DLG2: variants seen among roughly 807,000 people sequenced by gnomAD.
DLG2 encodes the protein discs large MAGUK scaffold protein 2.
A neutral mutation model predicts 132.5 loss-of-function variants in DLG2; 45 were observed. The ratio of observed to expected loss-of-function variants is 0.34; its 90% confidence interval spans 0.27 to 0.44. The LOEUF (loss-of-function observed/expected upper bound fraction) is 0.44. Ranked by LOEUF, DLG2 falls within the 20% of genes least tolerant of loss-of-function variation. The probability of loss-of-function intolerance (pLI) is 1.00; values close to 1 mark genes in which losing one functional copy is unlikely to be tolerated. For missense variants in DLG2, 1,045 were observed against 1,196.9 expected (o/e 0.87, Z 1.87); for synonymous variants, 424 against 419.6 (o/e 1.01, Z -0.13).
intron 18 of DLG2, among the ~76,000 whole-genome samples, chr11:83,734,386 T>A (rs1458324856): frequency 6.8e-6 from 1 of 146,342 alleles, no homozygotes; most frequent in African/African-American, 2.6e-5. Context: ...CTTCCTTCCT[T>A]CCTTCCTTCC....
intron 6 of DLG2, among the ~76,000 whole-genome samples, chr11:84,972,637 T>G (rs529383143): frequency 6.6e-6 from 1 of 152,318 alleles, no homozygotes; most frequent in Non-Finnish European, 1.5e-5. Flanking sequence ...TAACAGAAGG[T>G]GCTACCTGCC....
chr11:83,589,552 AC>A (rs1223043016), intron 19 of DLG2, among the ~76,000 whole-genome samples: 6 of 151,700 alleles, frequency 4.0e-5, no homozygotes, highest in Non-Finnish European at 2.9e-5. Flanking sequence ...AAATGTAAAG[AC>A]CATCGAGACT....
intron 7 of DLG2, among the ~76,000 whole-genome samples, chr11:84,529,873 C>T (rs1456784287): frequency 6.6e-6 from 1 of 152,182 alleles, no homozygotes; most frequent in Admixed American, 6.5e-5. Flanking sequence ...GTGAGTATCA[C>T]ATTCTTGGAC....
intron 18 of DLG2, among the ~76,000 whole-genome samples, chr11:83,724,313 T>C (rs181130946): frequency 1.3e-5 from 2 of 152,264 alleles, no homozygotes; most frequent in Admixed American, 6.5e-5. Context: ...AACTAGGCTC[T>C]CCCGAAGCAC....
intron 6 of DLG2, among the ~76,000 whole-genome samples, chr11:84,779,993 C>T (rs1597951810): frequency 6.6e-6 from 1 of 151,862 alleles, no homozygotes; most frequent in Admixed American, 6.6e-5. Context: ...CTCCTAAAAT[C>T]GTTCAAATCA....
chr11:83,487,572 G>A (rs138377314), intron 21 of DLG2, among the ~76,000 whole-genome samples: 2 of 152,138 alleles, frequency 1.3e-5, no homozygotes, highest in African/African-American at 2.4e-5. Flanking sequence ...AGCATGACAA[G>A]TTTCTGCAAC....
At chr11:84,200,151 G>A (rs908243641) in intron 8 of DLG2, among the ~76,000 whole-genome samples, 2 of 151,956 alleles carry the variant, frequency 1.3e-5, no homozygotes, top group African/African-American at 2.4e-5. Flanking sequence ...TGGAGTACTC[G>A]AAGGGAAGGA....
intron 6 of DLG2, among the ~76,000 whole-genome samples, chr11:84,999,534 C>T (rs184401047): frequency 5.2e-4 from 79 of 152,162 alleles, no homozygotes; most frequent in African/African-American, 1.9e-3. Context: ...GGCTCTTATT[C>T]CTACCAAATG....
chr11:84,782,867 C>G (rs1205868043), intron 6 of DLG2, among the ~76,000 whole-genome samples: 1 of 152,142 alleles, frequency 6.6e-6, no homozygotes, highest in Non-Finnish European at 1.5e-5. Flanking sequence ...AAGAGTGTCA[C>G]TCTTTTTCTC....
At chr11:85,455,302 GT>G (rs1449675636) in intron 3 of DLG2, among the ~76,000 whole-genome samples, 1 of 152,082 alleles carries the variant, frequency 6.6e-6, no homozygotes, top group African/African-American at 2.4e-5. Flanking sequence ...ACGGGATTGT[GT>G]TCCTGATTTG....
intron 4 of DLG2, among the ~76,000 whole-genome samples, chr11:85,252,487 G>T (rs2076446182): frequency 6.6e-6 from 1 of 152,164 alleles, no homozygotes; most frequent in African/African-American, 2.4e-5. Context: ...TTGGGAGGCT[G>T]AAGCAGGAGA....
intron 11 of DLG2, among the ~76,000 whole-genome samples, chr11:83,989,323 T>C (rs757425393): frequency 7.9e-5 from 12 of 152,164 alleles, no homozygotes; most frequent in Non-Finnish European, 1.5e-4. Context: ...CTTATAACTA[T>C]GCAAATTTGA....
chr11:84,648,133 C>A (rs1372670259), intron 6 of DLG2, among the ~76,000 whole-genome samples: 2 of 152,178 alleles, frequency 1.3e-5, no homozygotes, highest in South Asian at 2.1e-4. Flanking sequence ...GCTCTTATAC[C>A]CAAGTCATCT....
intron 15 of DLG2, among the ~76,000 whole-genome samples, chr11:83,911,057 A>G (rs2075956642): frequency 6.6e-6 from 1 of 152,156 alleles, no homozygotes; most frequent in East Asian, 1.9e-4. Flanking sequence ...GACTCCAAAG[A>G]AGATAGGCAC....
In DLG2 at chr11:85,157,672, G is replaced by A. The variant is rs1369856452; in HGVS notation, c.187-3021C>T. On this transcript the variant is annotated intron_variant, in intron 4 of 27. Transcript: ENST00000376104. ...AGATACGGAGCCTCAAATCTGCTAA[G>A]ATTACCCTGAGTGAAAGTCTTATCT... 2.0e-5 allele frequency among the ~76,000 whole-genome samples: 3 copies of A among 152,236 alleles called. No homozygotes were observed. In the East Asian group the frequency reaches 5.8e-4, roughly 29 times the overall value.
chr11:85,415,823 T>C (rs752939864), intron 3 of DLG2, among the ~76,000 whole-genome samples: 5 of 152,136 alleles, frequency 3.3e-5, no homozygotes, highest in Non-Finnish European at 4.4e-5. Flanking sequence ...CTGATGATAG[T>C]ATCTATCATC....
At chr11:83,976,752 A>C (rs1278851306) in intron 12 of DLG2, among the ~76,000 whole-genome samples, 3 of 151,978 alleles carry the variant, frequency 2.0e-5, no homozygotes, top group Non-Finnish European at 4.4e-5. Flanking sequence ...TTTAAAAAAA[A>C]CTATGCTTTA....
At chr11:85,196,152 T>TA in intron 4 of DLG2, among the ~76,000 whole-genome samples, 2 of 152,326 alleles carry the variant, frequency 1.3e-5, no homozygotes, top group Middle Eastern at 3.4e-3. Flanking sequence ...CTCAAGGTTG[T>TA]AAAATCAGTG....
chr11:84,492,097 T>G (rs1263218040), intron 7 of DLG2, among the ~76,000 whole-genome samples: 1 of 152,118 alleles, frequency 6.6e-6, no homozygotes, highest in Non-Finnish European at 1.5e-5. Context: ...TGATTTAATT[T>G]TATACATGAG....
Sources: allele counts gnomAD v4.1 joint callset (sites outside exome capture counted in the v4.1 genomes callset), GRCh38; gene constraint gnomAD v4.1.1; transcripts MANE v1.5; gene names NCBI Gene and HGNC (gene_info 2026-07-23, HGNC 2026-07-21).